Variants in FMO4 observed in about 807,000 individuals in gnomAD.
FMO4 encodes dimethylaniline monooxygenase [N-oxide-forming] 4.
Under a neutral mutation model 43.3 loss-of-function variants are expected in FMO4, and 38 were observed. The ratio of observed to expected loss-of-function variants is 0.88; its 90% CI spans 0.68 to 1.15. FMO4 has a LOEUF of 1.15. FMO4 is among the 50% of genes most tolerant of loss of function. The pLI is 0.00. For missense variants in FMO4, 631 were observed against 663.3 expected, an observed-to-expected ratio of 0.95 and a Z score of 0.54; for synonymous variants, 224 against 232.2, an observed-to-expected ratio of 0.96 and a Z score of 0.32.
chr1:171,338,747 A>G (rs1319280750), intron 9 of FMO4, among the ~76,000 whole-genome samples: 3 of 152,164 alleles, frequency 2.0e-5, no homozygotes, highest in Non-Finnish European at 2.9e-5. Flanking sequence ...CAGAGTGCCC[A>G]TTATTACCAC....
chr1:171,330,599 A>G (rs924349094), intron 5 of FMO4, among the ~76,000 whole-genome samples: 1 of 152,166 alleles, frequency 6.6e-6, no homozygotes, highest in African/African-American at 2.4e-5. Context: ...GGGAACTCCC[A>G]TTCCTAAAAC....
chr1:171,332,771 T>G lies in FMO4; in HGVS notation c.690T>G (p.Pro230=), dbSNP rs1412034731. The G allele has an allele frequency of 2.5e-6, 4 of 1,612,384 alleles. No homozygotes were observed. Among genetic ancestry groups the G allele is most frequent in the Non-Finnish European group, 3.4e-6 (4 of 1,178,506 alleles). Residue 230 remains proline, a synonymous_variant, in exon 7 of 10, where the codon CCT becomes CCG. Transcript: ENST00000367749. The part of the protein sequence containing the change: ...VLGRSSDWGY[P]YNMMVTRRCC... ...GGCGCTCTTCAGATTGGGGCTATCC[T>G]TATAATATGATGGTTACAAGAAGAT...
At chr1:171,322,969 A>G (rs755500664) in intron 3 of FMO4, 35 bp from the exon 4 acceptor site, 75 of 1,551,534 alleles carry the variant, frequency 4.8e-5, no homozygotes, top group Non-Finnish European at 1.1e-5. Flanking sequence ...TCCTATCTCC[A>G]TTATCCCAAC....
chr1:171,336,754 C>T (rs1461913926), intron 8 of FMO4, among the ~76,000 whole-genome samples: 1 of 152,024 alleles, frequency 6.6e-6, no homozygotes, highest in Non-Finnish European at 1.5e-5. Context: ...TAAGCCCATG[C>T]CACCACACCT....
intron 6 of FMO4, 32 bp downstream of exon 6, chr1:171,331,814 C>A: frequency 6.2e-7 from 1 of 1,605,812 alleles, no homozygotes; most frequent in South Asian, 1.1e-5. Context: ...GCCCCTAATC[C>A]CATCATCAGT....
chr1:171,341,247 A>C (rs1663358081), intron 9 of FMO4, among the ~76,000 whole-genome samples, 166 bp from the exon 10 acceptor site: 1 of 152,190 alleles, frequency 6.6e-6, no homozygotes, highest in African/African-American at 2.4e-5. Context: ...TCTGTAGATA[A>C]ACTCCTTTAA....
intron 8 of FMO4, 52 bp downstream of exon 8, chr1:171,334,815 T>G: frequency 9.3e-7 from 1 of 1,071,544 alleles, no homozygotes; most frequent in Non-Finnish European, 1.4e-6. Context: ...ATTGGTGCCC[T>G]GCCATTTAGC....
chr1:171,341,934 G>T lies in FMO4; in HGVS notation c.*95G>T. 1 of 915,226 alleles carries T rather than the reference G, an allele frequency of 1.1e-6. No homozygotes were observed. Among genetic ancestry groups the T allele is most frequent in the Non-Finnish European group, 1.6e-6 (1 of 609,652 alleles). 56.7% of individuals were successfully genotyped at this position (915,226 alleles called of 1,614,324 possible). On this transcript the variant is annotated 3_prime_UTR_variant, in exon 10 of 10. Transcript: ENST00000367749. ...CTGCTCTCCATCATAACTGCTATTA[G>T]CCAAATTCAGGCCCAGTCATCTCCT...
At chr1:171,324,418 A>G in intron 5 of FMO4, 118 bp downstream of exon 5, 1 of 740,454 alleles carries the variant, frequency 1.4e-6, no homozygotes, top group Non-Finnish European at 2.1e-6. Flanking sequence ...ATTCATTCTC[A>G]AAAATAATAT....
At chr1:171,338,332 A>G (rs770854026) in intron 9 of FMO4, among the ~76,000 whole-genome samples, 6 of 152,004 alleles carry the variant, frequency 3.9e-5, no homozygotes, top group Non-Finnish European at 5.9e-5. Flanking sequence ...CTGTTCTACA[A>G]TCTAGGCTTG....
At chr1:171,316,792 T>C (rs1015395748) in intron 2 of FMO4, among the ~76,000 whole-genome samples, 3 of 152,150 alleles carry the variant, frequency 2.0e-5, no homozygotes, top group African/African-American at 7.2e-5. Flanking sequence ...CATTCAGAAA[T>C]TGGCAGCCCT....
At chr1:171,327,839 C>G (rs552532796) in intron 5 of FMO4, among the ~76,000 whole-genome samples, 12 of 152,234 alleles carry the variant, frequency 7.9e-5, no homozygotes, top group African/African-American at 2.9e-4. Context: ...TCACTTGAGC[C>G]TGGGAGGCAG....
rs1663025010 is a variant in FMO4, at chr1:171,334,429, T to G, written c.846T>G (p.Ile282Met). The change falls in exon 8 of 10, where the codon ATT becomes ATG. Residue 282 changes from isoleucine (I) to methionine (M), a missense_variant. By Grantham distance (10) the Ile-to-Met change is conservative. Coordinates refer to ENST00000367749, the MANE Select transcript of FMO4 (RefSeq NM_002022.3). ...SITKGKKAKFIVNDELPNCIL... is the reference protein window; with the variant it reads ...SITKGKKAKFMVNDELPNCIL... ...GTCAAAGGAAAAAAGCAAAATTCAT[T>G]GTGAATGATGAGCTGCCAAACTGTA... The G allele has an allele frequency of 6.4e-7, 1 of 1,574,384 alleles. No individual in the cohort carries two copies. The highest frequency in any genetic ancestry group is 8.6e-7 in the Non-Finnish European group (1 of 1,164,260).
chr1:171,328,468 T>C (rs548429313), intron 5 of FMO4, among the ~76,000 whole-genome samples: 19 of 152,128 alleles, frequency 1.2e-4, no homozygotes, highest in Middle Eastern at 3.4e-3. Context: ...CTGGACAACA[T>C]GCGAAACACT....
Position 171,324,044 on chromosome 1 carries a change from G to A in FMO4, c.322-94G>A, listed in dbSNP as rs967116068. ...AATAGACCTCCTGTCATGGGACTTG[G>A]CCTACTAAAAGTAACAGACATGGTT... On this transcript the variant is annotated intron_variant, in intron 4 of 9. Transcript: ENST00000367749. 4 of 1,151,168 alleles carry A rather than the reference G, an allele frequency of 3.5e-6. No individual in the cohort carries two copies. In the African/African-American group the frequency reaches 4.7e-5, roughly 13 times the overall value. The allele number at this position is 1,151,168 out of a possible 1,614,324, so 71.3% of individuals were successfully genotyped here.
rs189949149 is a variant in FMO4, at chr1:171,333,964, C to T, written c.828-447C>T. ...TCAGCCTCCCAGATAGGTGGGACTA[C>T]AGGTGCAGGCCACCATGCCCAGCTA... On this transcript the variant is annotated intron_variant, in intron 7 of 9. Transcript: ENST00000367749. Among the ~76,000 whole-genome samples, 377 of 152,264 alleles carry T rather than the reference C, an allele frequency of 2.5e-3. 1 individual carries two copies. Among genetic ancestry groups the T allele is most frequent in the African/African-American group, 8.6e-3 (357 of 41,554 alleles).
chr1:171,322,386 C>G (rs1015555573), intron 3 of FMO4, among the ~76,000 whole-genome samples: 10 of 152,056 alleles, frequency 6.6e-5, no homozygotes, highest in African/African-American at 2.4e-4. Flanking sequence ...GATAATAAGC[C>G]CTGCATTCAT....
At chr1:171,340,426 T>C (rs1472945849) in intron 9 of FMO4, among the ~76,000 whole-genome samples, 1 of 152,150 alleles carries the variant, frequency 6.6e-6, no homozygotes, top group Admixed American at 6.5e-5. Flanking sequence ...GAATTTAAAA[T>C]TAAGTAGAAC....
chr1:171,337,501 C>T lies in FMO4; in HGVS notation c.1250+76C>T, dbSNP rs1663170735. The T allele has an allele frequency of 4.9e-6, 5 of 1,020,100 alleles. No homozygotes were observed. In the South Asian group the frequency reaches 6.5e-5, roughly 13 times the overall value. 63.2% of individuals were successfully genotyped at this position (1,020,100 alleles called of 1,614,324 possible). A position where few individuals can be genotyped will look rare whatever the true frequency, so the allele number is the denominator to read the frequency against. On this transcript the variant is annotated intron_variant, in intron 9 of 9. Transcript: ENST00000367749. Reference sequence around the variant, plus strand: ...AAAAAAGGATTCAGAGTATAAAAGCCATTCCTAGAGAAGCAGTATGGCAGG... The same window carrying T: ...AAAAAAGGATTCAGAGTATAAAAGCTATTCCTAGAGAAGCAGTATGGCAGG...
Sources: gnomAD v4.1 joint callset for allele counts (sites outside exome capture counted in the v4.1 genomes callset) on GRCh38, gnomAD v4.1.1 for gene constraint, MANE v1.5 for transcripts, NCBI Gene and HGNC (gene_info 2026-07-23, HGNC 2026-07-21) for gene names.